Variants in TTC19 observed in about 807,000 individuals in gnomAD.
TTC19 encodes tetratricopeptide repeat domain 19.
A neutral mutation model predicts 49.5 loss-of-function variants in TTC19; 38 were observed. That is an observed-to-expected ratio of 0.77 (90% CI 0.59 to 1.01). The LOEUF (loss-of-function observed/expected upper bound fraction) is 1.01, where lower values mean the gene tolerates loss of function less well. TTC19 is among the 50% of genes least tolerant of loss of function. The probability of loss-of-function intolerance (pLI) is 0.00; values close to 1 mark genes in which losing one functional copy is unlikely to be tolerated. For synonymous variants in TTC19, 204 were observed against 185.2 expected, an observed-to-expected ratio of 1.10 and a Z score of -0.83; for missense variants, 475 against 477.7, an observed-to-expected ratio of 0.99 and a Z score of 0.05.
intron 2 of TTC19, chr17:16,039,508 GCACTACTCC>G: frequency 6.2e-7 from 1 of 1,614,022 alleles, no homozygotes; most frequent in Non-Finnish European, 8.5e-7. Context: ...GCAGTACCAG[GCACTACTCC>G]CATAGGCTGG....
At chr17:16,001,467 T>G (rs984932739) in intron 2 of TTC19, among the ~76,000 whole-genome samples, 2 of 152,200 alleles carry the variant, frequency 1.3e-5, no homozygotes, top group Non-Finnish European at 2.9e-5. Flanking sequence ...CCTTACTACC[T>G]CAGTTTAGCT....
At chr17:16,036,065 C>T (rs1190834924) in intron 2 of TTC19, among the ~76,000 whole-genome samples, 1 of 152,234 alleles carries the variant, frequency 6.6e-6, no homozygotes, top group Non-Finnish European at 1.5e-5. Flanking sequence ...AGAGGAATCA[C>T]TATGGCAGCT....
downstream of TTC19, chr17:16,031,247 T>C (rs1256571041): frequency 5.1e-6 from 1 of 197,246 alleles, no homozygotes; most frequent in Non-Finnish European, 1.0e-5. Flanking sequence ...TCACCATGAG[T>C]TTTTCAGGAT....
intron 2 of TTC19, chr17:16,039,496 T>C (rs556258444): frequency 6.2e-7 from 1 of 1,614,122 alleles, no homozygotes; most frequent in African/African-American, 1.3e-5. Flanking sequence ...ACTGAGGTGT[T>C]GGCAGTACCA....
chr17:16,031,830 G>A (rs1972057347), downstream of TTC19: 1 of 232,340 alleles, frequency 4.3e-6, no homozygotes, highest in African/African-American at 2.2e-5. Context: ...GTATGAGGTT[G>A]TTTAGAAGGC....
chr17:16,038,490 G>T (rs966781886), intron 2 of TTC19, among the ~76,000 whole-genome samples: 2 of 151,352 alleles, frequency 1.3e-5, no homozygotes, highest in Non-Finnish European at 2.9e-5. Flanking sequence ...GGGCTGGAGT[G>T]CAGTGGTGCA....
chr17:16,009,485 CAT>C (rs946752721), intron 7 of TTC19, among the ~76,000 whole-genome samples: 4 of 149,370 alleles, frequency 2.7e-5, no homozygotes, highest in African/African-American at 1.0e-4. Context: ...AATTTAGTAA[CAT>C]ATTATGAAAA....
intron 7 of TTC19, among the ~76,000 whole-genome samples, chr17:16,018,799 C>T (rs1315081332): frequency 1.3e-5 from 2 of 152,176 alleles, no homozygotes; most frequent in South Asian, 2.1e-4. Flanking sequence ...TGAGGCATCA[C>T]GCCTGGCTTC....
chr17:16,029,262 C>T lies in TTC19; in HGVS notation c.*1740C>T. 1 of 453,708 alleles carries T rather than the reference C, an allele frequency of 2.2e-6. No individual in the cohort carries two copies. The highest frequency in any genetic ancestry group is 1.6e-5 in the South Asian group (1 of 64,316). The allele number at this position is 453,708 out of a possible 1,614,324, so 28.1% of individuals were successfully genotyped here. ...CTAGGAGTTTTCAGGACAGTCTCTT[C>T]ATGTGGGTGTTTTCATTACAGTTCA... On this transcript the variant is annotated 3_prime_UTR_variant, in exon 10 of 10. Transcript: ENST00000261647.
At position 16,003,078 on chromosome 17, in the gene TTC19, T is replaced by C. The variant is rs11078321; in HGVS notation, c.462+247T>C. ...AGGTTTCTTCTAAGATAAGCCCTCC[T>C]CTGCCTAGGTGAGCTGACTCACCTC... On this transcript the variant is annotated intron_variant, in intron 4 of 9. Coordinates refer to ENST00000261647, the MANE Select transcript of TTC19 (RefSeq NM_017775.4). Among the ~76,000 whole-genome samples the C allele has an allele frequency of 0.43, 64,620 of 151,766 alleles. 15,335 individuals are homozygous for C. Among genetic ancestry groups the C allele is most frequent in the Middle Eastern group, 0.56 (161 of 288 alleles).
intron 7 of TTC19, among the ~76,000 whole-genome samples, chr17:16,017,927 A>G (rs1202278216): frequency 1.3e-5 from 2 of 152,168 alleles, no homozygotes; most frequent in African/African-American, 4.8e-5. Flanking sequence ...GTATATGTAT[A>G]TATGATTTTC....
exon 3 of TTC19, chr17:16,044,961 A>G: frequency 1.8e-6 from 1 of 570,510 alleles, no homozygotes; most frequent in Non-Finnish European, 3.1e-6. Flanking sequence ...GTTTTGACTA[A>G]ATTTCTTATA....
In TTC19 at chr17:16,034,718, GATATTATTGCTCTGTCTCATTT is replaced by G. The variant is rs756728694; in HGVS notation, c.247+8017_247+8038del. ...TTGAAGAACTAATAACCAAGACATTGATATTATTGCTCTGTCTCATTTTCTAAGTTAAAGCAGAATCCTTACC... is the reference window on the plus strand; with the variant it reads ...TTGAAGAACTAATAACCAAGACATTGTCTAAGTTAAAGCAGAATCCTTACC... On this transcript the variant is annotated intron_variant, in intron 2 of 2. Coordinates refer to the TTC19 transcript ENST00000470649. 4.7e-6 allele frequency: 7 copies of G among 1,486,914 alleles called. No individual in the cohort carries two copies. In the African/African-American group the frequency reaches 9.8e-5, roughly 21 times the overall value. 92.1% of individuals were successfully genotyped at this position (1,486,914 alleles called of 1,614,324 possible).
At chr17:16,044,443 AG>A in intron 2 of TTC19, 1 of 471,974 alleles carries the variant, frequency 2.1e-6, no homozygotes, top group Non-Finnish European at 4.4e-6. Context: ...TTCTTTTGAC[AG>A]GATCAGGAGA....
At chr17:16,003,434 T>TC (rs1970801392) in intron 4 of TTC19, among the ~76,000 whole-genome samples, 1 of 151,628 alleles carries the variant, frequency 6.6e-6, no homozygotes, top group Non-Finnish European at 1.5e-5. Flanking sequence ...TATTTATTTA[T>TC]TTATTTATTT....
In TTC19 at chr17:16,000,244, A is replaced by G; in HGVS notation, c.311A>G (p.Lys104Arg). ...AEIIQLLKRA[K>R]LSIMKDEPEE... ...ATCATCCAGCTGCTGAAGCGAGCCA[A>G]GGTGAGGCGGCTCCGGGCCCTGCGC... Residue 104 changes from lysine (K) to arginine (R), a missense_variant and splice_region_variant, in exon 2 of 10, where the codon AAG (lysine) becomes AGG (arginine). Coordinates refer to ENST00000261647, the MANE Select transcript of TTC19 (RefSeq NM_017775.4). 1 of 1,595,006 alleles carries G rather than the reference A, an allele frequency of 6.3e-7. No individual in the cohort carries two copies. Among genetic ancestry groups the G allele is most frequent in the East Asian group, 2.2e-5 (1 of 44,838 alleles).
chr17:16,011,440 T>C (rs569046341), intron 7 of TTC19, among the ~76,000 whole-genome samples: 5 of 152,344 alleles, frequency 3.3e-5, no homozygotes, highest in African/African-American at 1.2e-4. Flanking sequence ...CCCCAAGTGT[T>C]GGGATTACAG....
chr17:16,032,599 T>C (rs929866484), downstream of TTC19: 6 of 984,136 alleles, frequency 6.1e-6, no homozygotes, highest in Admixed American at 3.1e-5. Flanking sequence ...TGTGACACCA[T>C]GAAAGCAAAA....
chr17:16,025,835 G>A (rs773272959), intron 8 of TTC19, among the ~76,000 whole-genome samples: 10 of 152,166 alleles, frequency 6.6e-5, no homozygotes, highest in Non-Finnish European at 1.3e-4. Context: ...GGTAGGGTGA[G>A]TAATATGTTT....
Sources: gnomAD v4.1 joint callset for allele counts (sites outside exome capture counted in the v4.1 genomes callset) on GRCh38, gnomAD v4.1.1 for gene constraint, MANE v1.5 for transcripts, NCBI Gene and HGNC (gene_info 2026-07-23, HGNC 2026-07-21) for gene names.